Variants in KCNJ3 observed in about 807,000 individuals in gnomAD.
KCNJ3 encodes the protein potassium inwardly rectifying channel subfamily J member 3.
KCNJ3 carries 4 observed loss-of-function variants against 39.2 expected under a neutral mutation model. The ratio of observed to expected loss-of-function variants is 0.10; its 90% CI spans 0.05 to 0.23. The LOEUF (loss-of-function observed/expected upper bound fraction) is 0.23. Among genes scored for constraint, KCNJ3 ranks in the 10% least tolerant of loss-of-function variants. The probability of loss-of-function intolerance (pLI) is 1.00; values close to 1 mark genes in which losing one functional copy is unlikely to be tolerated. For missense variants in KCNJ3, 276 were observed against 634.9 expected (o/e 0.43, Z 6.08); for synonymous variants, 230 against 237.4 (o/e 0.97, Z 0.29).
intron 2 of KCNJ3, among the ~76,000 whole-genome samples, chr2:154,832,797 T>C (rs1687385915): frequency 6.6e-6 from 1 of 152,236 alleles, no homozygotes; most frequent in African/African-American, 2.4e-5. Flanking sequence ...AGACTGAGGC[T>C]TCTGAAATTG....
At chr2:154,800,820 G>C (rs1435314544) in intron 2 of KCNJ3, among the ~76,000 whole-genome samples, 1 of 152,116 alleles carries the variant, frequency 6.6e-6, no homozygotes, top group African/African-American at 2.4e-5. Context: ...TAGAGAAAGA[G>C]TCTCCTTATT....
chr2:154,758,218 C>T (rs1378160489), intron 2 of KCNJ3, among the ~76,000 whole-genome samples: 1 of 151,800 alleles, frequency 6.6e-6, no homozygotes, highest in African/African-American at 2.4e-5. Flanking sequence ...TTTCTTATGG[C>T]TAGTATGGCA....
intron 2 of KCNJ3, among the ~76,000 whole-genome samples, chr2:154,764,534 T>C (rs2937609): frequency 0.32 from 48,495 of 152,108 alleles, 8,928 homozygotes; most frequent in South Asian, 0.5. Flanking sequence ...GCACACTCAC[T>C]TTTTTGATTA....
intron 1 of KCNJ3, among the ~76,000 whole-genome samples, chr2:154,707,754 A>G (rs973445554): frequency 3.9e-5 from 6 of 152,136 alleles, no homozygotes; most frequent in African/African-American, 1.4e-4. Context: ...ACACATCAGA[A>G]TACCACCTTG....
At chr2:154,741,054 GAA>G (rs755926282) in intron 2 of KCNJ3, among the ~76,000 whole-genome samples, 8 of 151,932 alleles carry the variant, frequency 5.3e-5, no homozygotes, top group Non-Finnish European at 1.0e-4. Context: ...TAGTTTCTCA[GAA>G]ACACAGCTTT....
rs1685327230 is a variant in KCNJ3, at chr2:154,724,932, T to TATATATATATATATATAC, written c.919+15118_919+15119insTATATATATATACATATA. On this transcript the variant is annotated intron_variant, in intron 2 of 2. Transcript: ENST00000295101. ...TACATATGAGGTATATATATATATA[T>TATATATATATATATATAC]ATATACCTTTGATGCAGACCTGAGA... 2.7e-5 allele frequency among the ~76,000 whole-genome samples: 4 copies of TATATATATATATATATAC among 147,040 alleles called. No individual in the cohort carries two copies. In the Admixed American group the frequency reaches 2.7e-4, roughly 10 times the overall value.
intron 2 of KCNJ3, among the ~76,000 whole-genome samples, chr2:154,758,550 A>C (rs1042282978): frequency 6.6e-6 from 1 of 152,354 alleles, no homozygotes; most frequent in African/African-American, 2.4e-5. Flanking sequence ...TTAGAAAACA[A>C]TGACTAGAAA....
intron 2 of KCNJ3, among the ~76,000 whole-genome samples, chr2:154,743,740 T>A (rs1045168117): frequency 6.6e-6 from 1 of 151,486 alleles, no homozygotes; most frequent in Admixed American, 6.6e-5. Context: ...AGGTTGCTAT[T>A]TTTTTTACAA....
intron 2 of KCNJ3, among the ~76,000 whole-genome samples, chr2:154,733,993 C>T (rs1313817623): frequency 1.3e-5 from 2 of 152,130 alleles, no homozygotes; most frequent in African/African-American, 4.8e-5. Flanking sequence ...ATATAAAGAA[C>T]TCTGTATTAC....
chr2:154,780,637 C>T (rs1398121007), intron 2 of KCNJ3, among the ~76,000 whole-genome samples: 1 of 152,042 alleles, frequency 6.6e-6, no homozygotes, highest in Admixed American at 6.6e-5. Context: ...TGAGTTCCAG[C>T]TCGCACGGTC....
At chr2:154,765,309 T>G (rs1435597341) in intron 2 of KCNJ3, among the ~76,000 whole-genome samples, 1 of 152,212 alleles carries the variant, frequency 6.6e-6, no homozygotes. Flanking sequence ...CTTTCAGCCC[T>G]TATTCATTCT....
At chr2:154,797,569 T>G (rs928015008) in intron 2 of KCNJ3, among the ~76,000 whole-genome samples, 3 of 152,152 alleles carry the variant, frequency 2.0e-5, no homozygotes, top group African/African-American at 7.2e-5. Flanking sequence ...TGTTATTATT[T>G]TATAAAATAA....
intron 2 of KCNJ3, among the ~76,000 whole-genome samples, chr2:154,733,591 T>C (rs967545312): frequency 8.5e-5 from 13 of 152,162 alleles, no homozygotes; most frequent in African/African-American, 2.9e-4. Flanking sequence ...CTATGAAAAA[T>C]TCCTTCTTGT....
intron 2 of KCNJ3, among the ~76,000 whole-genome samples, chr2:154,736,258 T>C (rs1316224211): frequency 6.6e-6 from 1 of 151,862 alleles, no homozygotes; most frequent in Non-Finnish European, 1.5e-5. Context: ...TTTTAATATT[T>C]AGAAACTGAG....
At position 154,858,088 on chromosome 2, in the gene KCNJ3, ATTTT is replaced by A. The variant is rs1033107991; in HGVS notation, c.*2780_*2783del. 6.6e-6 allele frequency: 1 copy of A among 151,404 alleles called. No individual in the cohort carries two copies. Among genetic ancestry groups the A allele is most frequent in the African/African-American group, 2.4e-5 (1 of 41,162 alleles). 9.4% of individuals were successfully genotyped at this position (151,404 alleles called of 1,614,324 possible). On this transcript the variant is annotated 3_prime_UTR_variant, in exon 3 of 3. Coordinates refer to ENST00000295101, the MANE Select transcript of KCNJ3 (RefSeq NM_002239.4). ...AAATTACCTTATCTGAGTGAATGGT[ATTTT>A]TTTTATCTTTTCCACACATGCGTGG...
At chr2:154,836,740 G>A (rs1687472044) in intron 2 of KCNJ3, among the ~76,000 whole-genome samples, 1 of 152,058 alleles carries the variant, frequency 6.6e-6, no homozygotes, top group African/African-American at 2.4e-5. Context: ...TAGCATAAAA[G>A]AAAAATTAGA....
intron 2 of KCNJ3, among the ~76,000 whole-genome samples, chr2:154,829,174 A>T (rs1166718822): frequency 6.6e-6 from 1 of 152,154 alleles, no homozygotes; most frequent in Admixed American, 6.5e-5. Context: ...CAGGTTTGTT[A>T]TACAGGCAAT....
intron 2 of KCNJ3, among the ~76,000 whole-genome samples, chr2:154,784,616 C>T (rs1234826988): frequency 2.0e-5 from 3 of 152,134 alleles, no homozygotes; most frequent in East Asian, 3.9e-4. Flanking sequence ...CTCCTGATCT[C>T]GTGATCTACC....
At chr2:154,708,730 G>A (rs533625898) in intron 1 of KCNJ3, among the ~76,000 whole-genome samples, 7 of 152,256 alleles carry the variant, frequency 4.6e-5, no homozygotes, top group Admixed American at 2.6e-4. Context: ...ATTTTTAATA[G>A]TCATATTAAA....
Sources: gnomAD v4.1 joint callset for allele counts (sites outside exome capture counted in the v4.1 genomes callset) on GRCh38, gnomAD v4.1.1 for gene constraint, MANE v1.5 for transcripts, NCBI Gene and HGNC (gene_info 2026-07-23, HGNC 2026-07-21) for gene names.